The following CFAP74 variants were observed in gnomAD, a reference collection of about 807,000 sequenced individuals.
CFAP74 encodes the protein cilia and flagella associated protein 74.
A neutral mutation model predicts 188.9 loss-of-function variants in CFAP74; 124 were observed. That is an observed-to-expected ratio of 0.66 (90% CI 0.57 to 0.76). The LOEUF (loss-of-function observed/expected upper bound fraction) is 0.76, where lower values mean the gene tolerates loss of function less well. Ranked by LOEUF, CFAP74 falls within the 30% of genes least tolerant of loss-of-function variation. The pLI, the probability that CFAP74 is intolerant of heterozygous loss-of-function variation, is 0.00. For synonymous variants in CFAP74, 956 were observed against 916.7 expected (o/e 1.04, Z -0.77); for missense variants, 2,198 against 2,165.2 (o/e 1.02, Z -0.30).
chr1:1,949,357 G>A (rs1362031986), intron 18 of CFAP74, among the ~76,000 whole-genome samples: 1 of 151,880 alleles, frequency 6.6e-6, no homozygotes. Context: ...ATGGGGTTTT[G>A]CCATGTTGCC....
Position 1,930,150 on chromosome 1 carries a change from A to T in CFAP74, c.3198T>A (p.Ser1066=). The change falls in exon 26 of 39, where the codon TCT becomes TCA. Residue 1066 remains serine (S), a synonymous_variant. Coordinates refer to ENST00000682832, the MANE Select transcript of CFAP74 (RefSeq NM_001304360.2). ...ACTCGAAAGACGTGGGCCCCATGGGAGAGGCGTCCTCTGAGCCAATGCGGG... is the reference window on the plus strand; with the variant it reads ...ACTCGAAAGACGTGGGCCCCATGGGTGAGGCGTCCTCTGAGCCAATGCGGG... ...SKPRIGSEDA[S]PMGPTSFEFL... 6.5e-7 allele frequency: 1 copy of T among 1,535,582 alleles called. No homozygotes were observed. Among genetic ancestry groups the T allele is most frequent in the Non-Finnish European group, 8.7e-7 (1 of 1,146,680 alleles).
intron 11 of CFAP74, among the ~76,000 whole-genome samples, chr1:1,967,562 G>C (rs1334790783): frequency 6.6e-6 from 1 of 152,120 alleles, no homozygotes; most frequent in Non-Finnish European, 1.5e-5. Context: ...ATGGGGCAAA[G>C]GCTCAGCCCA....
chr1:1,949,127 CCCTCCCTCCCT>C (rs2102054928), intron 18 of CFAP74, among the ~76,000 whole-genome samples: 1 of 95,780 alleles, frequency 1.0e-5, no homozygotes, highest in African/African-American at 4.0e-5. Context: ...TTCTTCCCTT[CCCTCCCTCCCT>C]CCCTCCCTTC....
Position 1,966,356 on chromosome 1 carries a change from A to G in CFAP74, c.1401+15T>C. 6.6e-7 allele frequency: 1 copy of G among 1,510,442 alleles called. No individual in the cohort carries two copies. The highest frequency in any genetic ancestry group is 1.3e-5 in the South Asian group (1 of 79,258). 93.6% of individuals were successfully genotyped at this position (1,510,442 alleles called of 1,614,324 possible). A position where few individuals can be genotyped will look rare whatever the true frequency, so the allele number is the denominator to read the frequency against. ...GGGTCCGTCTGCAAGCGTCTAAAGG[A>G]GCAGGAGCTGATACCTGGTATGGCT... On this transcript the variant is annotated intron_variant, in intron 12 of 38. Coordinates refer to ENST00000682832, the MANE Select transcript of CFAP74 (RefSeq NM_001304360.2).
rs549663943 is a variant in CFAP74 at position 1,931,522 on chromosome 1, G to A, written c.3012-1186C>T. 1.8e-3 allele frequency among the ~76,000 whole-genome samples: 275 copies of A among 148,744 alleles called. 2 individuals are homozygous for A. Among genetic ancestry groups the A allele is most frequent in the African/African-American group, 6.5e-3 (263 of 40,158 alleles). ...GAGTCCGAGGCGGGCGGATCACAAGGTCAGGAGATCGAGACCATCCTGGCT... is the reference window on the plus strand; with the variant it reads ...GAGTCCGAGGCGGGCGGATCACAAGATCAGGAGATCGAGACCATCCTGGCT... On this transcript the variant is annotated intron_variant, in intron 25 of 38. Transcript: ENST00000682832.
In CFAP74 at chr1:1,946,341, C is replaced by A. The variant is rs748292869; in HGVS notation, c.2340G>T (p.Thr780=). Residue 780 remains threonine (T), a synonymous_variant, in exon 20 of 39, where the codon ACG becomes ACT. Transcript: ENST00000682832. ...CCGTGGGGCACTGGGGGTTCTTAAA[C>A]GTGACTTTGAACCTGGCTTGGACGT... is the stretch of plus-strand genomic sequence containing the variant. ...PGDVQARFKV[T]FKNPQCPTLH... 5.2e-6 allele frequency: 8 copies of A among 1,536,550 alleles called. No homozygotes were observed. The highest frequency in any genetic ancestry group is 7.0e-6 in the Non-Finnish European group (8 of 1,146,806).
At chr1:1,970,589 C>A in intron 10 of CFAP74, 70 bp downstream of exon 10, 1 of 1,501,962 alleles carries the variant, frequency 6.7e-7, no homozygotes, top group South Asian at 1.2e-5. Flanking sequence ...GAAGCCGAAC[C>A]CCCTTGGCTC....
intron 8 of CFAP74, among the ~76,000 whole-genome samples, 166 bp downstream of exon 8, chr1:1,972,771 G>C (rs560276946): frequency 6.6e-6 from 1 of 152,334 alleles, no homozygotes; most frequent in East Asian, 1.9e-4. Context: ...GCTTGAACCC[G>C]GGAGGCGGAG....
At chr1:1,986,579 C>T (rs991031884) in intron 5 of CFAP74, among the ~76,000 whole-genome samples, 4 of 152,228 alleles carry the variant, frequency 2.6e-5, no homozygotes, top group Non-Finnish European at 4.4e-5. Flanking sequence ...TGAGTGTTGG[C>T]GTTTCCAGCG....
intron 27 of CFAP74, 34 bp from the exon 28 acceptor site, chr1:1,927,780 A>G (rs1317488869): frequency 1.3e-6 from 2 of 1,543,130 alleles, no homozygotes; most frequent in Non-Finnish European, 1.8e-6. Flanking sequence ...GGGGCTGTGC[A>G]GGGCCCTAAA....
rs745920243 is a variant in CFAP74 at position 1,922,366 on chromosome 1, G to C, written c.4841C>G (p.Ser1614Trp). ...ATCCCCCCTTAGCTGCAGCAGGGCC[G>C]ACACCATGAGTGGGTGGTCTGGCTG... ...DFDPDHPLMV[S>W]ALLQLRGDVK... The change falls in exon 39 of 39, where the codon TCG becomes TGG. Residue 1614 changes from serine (S) to tryptophan (W), a missense_variant. Transcript: ENST00000682832. 2.5e-6 allele frequency: 4 copies of C among 1,602,538 alleles called. No homozygotes were observed. The highest frequency in any genetic ancestry group is 3.4e-6 in the Non-Finnish European group (4 of 1,177,086).
rs1558046078 is a variant in CFAP74 at position 1,973,327 on chromosome 1, T to C, written c.675-280A>G. Among the ~76,000 whole-genome samples, 1 of 151,872 alleles carries C rather than the reference T, an allele frequency of 6.6e-6. No homozygotes were observed. The highest frequency in any genetic ancestry group is 1.5e-5 in the Non-Finnish European group (1 of 67,960). On this transcript the variant is annotated intron_variant, in intron 7 of 38. Transcript: ENST00000682832. The surrounding 1 kb of genome is among the most constrained non-coding windows in gnomAD (Gnocchi z 6.2). The stretch of plus-strand genomic sequence containing the variant: ...GGGCAGGGGTCTGGGAAGAGGACGG[T>C]GCAGGCACAGCAGTGCTGTGGGGAG...
At chr1:1,926,788 C>A (rs753023727) in intron 29 of CFAP74, 27 bp from the exon 30 acceptor site, 1 of 1,547,966 alleles carries the variant, frequency 6.5e-7, no homozygotes, top group South Asian at 1.2e-5. Context: ...ATGCTGAGGG[C>A]AGGGTGGGCG....
At chr1:1,953,529 T>G (rs1407835834) in intron 18 of CFAP74, 1 of 153,404 alleles carries the variant, frequency 6.5e-6, no homozygotes, top group African/African-American at 2.4e-5. Flanking sequence ...ACTCTTGACC[T>G]CAAGTGATCC....
intron 18 of CFAP74, among the ~76,000 whole-genome samples, chr1:1,948,428 T>TA (rs1653936227): frequency 1.4e-5 from 2 of 148,052 alleles, no homozygotes; most frequent in African/African-American, 5.0e-5. Context: ...TATATATATA[T>TA]TTATGTGTAT....
At chr1:1,989,053 T>C in intron 2 of CFAP74, 80 bp from the exon 3 acceptor site, 1 of 738,994 alleles carries the variant, frequency 1.4e-6, no homozygotes, top group Non-Finnish European at 2.2e-6. Flanking sequence ...TAAATCTTTT[T>C]CTTTTTTTGG....
In CFAP74 at chr1:1,930,340, C is replaced by T. The variant is rs1652271050; in HGVS notation, c.3012-4G>A. ...CCGGCAAGACAGCTTGAAGCACCTGCAAGCAGCAGCATGGGAGGCCCTCAG... is the reference window on the plus strand; with the variant it reads ...CCGGCAAGACAGCTTGAAGCACCTGTAAGCAGCAGCATGGGAGGCCCTCAG... On this transcript the variant is annotated splice_polypyrimidine_tract_variant and splice_region_variant and intron_variant, in intron 25 of 38. Coordinates refer to ENST00000682832, the MANE Select transcript of CFAP74 (RefSeq NM_001304360.2). The T allele has an allele frequency of 6.6e-7, 1 of 1,515,294 alleles. No individual in the cohort carries two copies. Among genetic ancestry groups the T allele is most frequent in the South Asian group, 1.2e-5 (1 of 82,308 alleles). 93.9% of individuals were successfully genotyped at this position (1,515,294 alleles called of 1,614,324 possible).
At chr1:1,971,083 T>C (rs547188104) in intron 9 of CFAP74, among the ~76,000 whole-genome samples, 2 of 120,040 alleles carry the variant, frequency 1.7e-5, no homozygotes, top group Admixed American at 8.6e-5. Flanking sequence ...CTGCACACAC[T>C]CATACATGCA....
Position 1,968,577 on chromosome 1 carries a change from G to GC in CFAP74, c.1245+57dup, listed in dbSNP as rs773086394. 3.4e-6 allele frequency: 5 copies of GC among 1,454,120 alleles called. No homozygotes were observed. In the East Asian group the frequency reaches 9.2e-5, roughly 27 times the overall value. The allele number at this position is 1,454,120 out of a possible 1,614,324, so 90.1% of individuals were successfully genotyped here. On this transcript the variant is annotated intron_variant, in intron 11 of 38. Transcript: ENST00000682832. The surrounding 1 kb of genome is among the most constrained non-coding windows in gnomAD (Gnocchi z 4.3). ...TGTCTCACCACACCTGAGCCCTGAGGCCCCACCTGCCCTCCACAGGTGTGC... is the reference window on the plus strand; with the variant it reads ...TGTCTCACCACACCTGAGCCCTGAGGCCCCCACCTGCCCTCCACAGGTGTGC...
Sources: allele counts gnomAD v4.1 joint callset (sites outside exome capture counted in the v4.1 genomes callset), GRCh38; gene constraint gnomAD v4.1.1; non-coding constraint Gnocchi (gnomAD v3.1); transcripts MANE v1.5; gene names NCBI Gene and HGNC (gene_info 2026-07-23, HGNC 2026-07-21).